Variants in GIT2 observed in about 807,000 individuals in gnomAD.
GIT2 encodes the protein ARF GTPase-activating protein GIT2.
In GIT2, 32 loss-of-function variants were observed where a neutral mutation model predicts 100.3. The observed-to-expected ratio is 0.32, with a 90% CI of 0.24 to 0.43. The LOEUF is 0.43. GIT2 is among the 20% of genes least tolerant of loss of function. The pLI, the probability that GIT2 is intolerant of heterozygous loss-of-function variation, is 1.00. For missense variants in GIT2, 737 were observed against 975.1 expected (o/e 0.76, Z 3.25); for synonymous variants, 353 against 364.1 (o/e 0.97, Z 0.35).
At chr12:109,965,604 C>A in intron 8 of GIT2, 27 bp from the exon 9 acceptor site, 43 of 1,471,876 alleles carry the variant, frequency 2.9e-5, no homozygotes, top group Non-Finnish European at 4.1e-5. Flanking sequence ...AGCTAATAAG[C>A]AAATAAATAA....
chr12:109,946,322 C>G (rs59463468), intron 15 of GIT2, among the ~76,000 whole-genome samples: 1 of 151,906 alleles, frequency 6.6e-6, no homozygotes, highest in Non-Finnish European at 1.5e-5. Flanking sequence ...GGGTTTAATT[C>G]ACGAAACCAT....
intron 7 of GIT2, among the ~76,000 whole-genome samples, chr12:109,979,516 G>A (rs890929774): frequency 6.6e-6 from 1 of 151,812 alleles, no homozygotes; most frequent in Non-Finnish European, 1.5e-5. Flanking sequence ...CTCATGATCC[G>A]CCCACCTCAG....
At position 109,951,357 on chromosome 12, in the gene GIT2, G is replaced by A. The variant is rs374665751; in HGVS notation, c.1243-41C>T. The A allele has an allele frequency of 9.9e-5, 152 of 1,535,474 alleles. 2 individuals are homozygous for A. Among genetic ancestry groups the A allele is most frequent in the South Asian group, 7.8e-4 (69 of 88,800 alleles). The stretch of plus-strand genomic sequence containing the variant: ...GAAAACGTTCACAATCTGAGATGAC[G>A]AGAACATTAAAGACTAACAGCTCAA... On this transcript the variant is annotated intron_variant, in intron 13 of 19. Coordinates refer to ENST00000355312, the MANE Select transcript of GIT2 (RefSeq NM_057169.5).
At chr12:109,951,356 C>A in intron 13 of GIT2, 40 bp from the exon 14 acceptor site, 2 of 1,539,798 alleles carry the variant, frequency 1.3e-6, no homozygotes, top group Admixed American at 1.7e-5. Context: ...TCTGAGATGA[C>A]GAGAACATTA....
intron 1 of GIT2, among the ~76,000 whole-genome samples, chr12:109,995,064 T>C (rs926344095): frequency 3.9e-5 from 6 of 152,200 alleles, no homozygotes; most frequent in Non-Finnish European, 7.3e-5. Context: ...GCAAAGCCAG[T>C]GGTGTTCAAT....
At chr12:109,969,750 CTCTTA>C (rs1457545952) in intron 7 of GIT2, among the ~76,000 whole-genome samples, 1 of 151,290 alleles carries the variant, frequency 6.6e-6, no homozygotes, top group Non-Finnish European at 1.5e-5. Flanking sequence ...CAAAGATTTT[CTCTTA>C]TGTTTTCTTT....
In GIT2 at chr12:109,989,066, G is replaced by A; in HGVS notation, c.302C>T (p.Pro101Leu). 5 of 1,592,072 alleles carry A rather than the reference G, an allele frequency of 3.1e-6. No homozygotes were observed. In the South Asian group the frequency reaches 3.3e-5, roughly 11 times the overall value. The change falls in exon 4 of 20, where the codon CCC becomes CTC. Residue 101 changes from proline (P) to leucine (L), a missense_variant and splice_region_variant. Coordinates refer to ENST00000355312, the MANE Select transcript of GIT2 (RefSeq NM_057169.5). ...GGCTCTGATGAATTCCGCTTTATTG[G>A]GACTGGTTCAAAAACAAAAAAGAAA... is the stretch of plus-strand genomic sequence containing the variant. ...RKANPQDKVH[P>L]NKAEFIRAKY...
intron 13 of GIT2, 36 bp downstream of exon 13, chr12:109,953,056 C>A (rs776554864): frequency 6.2e-7 from 1 of 1,609,004 alleles, no homozygotes; most frequent in Non-Finnish European, 8.5e-7. Context: ...TCAGCTGATG[C>A]GTGCTTGCCC....
chr12:109,979,786 G>A (rs773673368), intron 7 of GIT2, among the ~76,000 whole-genome samples: 5 of 152,138 alleles, frequency 3.3e-5, no homozygotes, highest in African/African-American at 4.8e-5. Context: ...GAGACACGGT[G>A]GGGTGTGCTT....
rs1884972110 is a variant in GIT2 at position 109,976,105 on chromosome 12, TACACACACACACACACAA to T, written c.718+4829_718+4846del. Reference sequence around the variant, plus strand: ...TCAGTGGTTATGGTAGAAATTACTATACACACACACACACACAAACACACACACACACAACTTTTCACA... The same window carrying T: ...TCAGTGGTTATGGTAGAAATTACTATACACACACACACACAACTTTTCACA... On this transcript the variant is annotated intron_variant, in intron 7 of 19. Coordinates refer to ENST00000355312, the MANE Select transcript of GIT2 (RefSeq NM_057169.5). 2.0e-5 allele frequency among the ~76,000 whole-genome samples: 3 copies of T among 149,134 alleles called. No individual in the cohort carries two copies. In the South Asian group the frequency reaches 6.3e-4, roughly 32 times the overall value.
intron 12 of GIT2, chr12:109,954,619 C>A (rs966220389): frequency 6.6e-6 from 1 of 152,204 alleles, no homozygotes; most frequent in African/African-American, 2.4e-5. Flanking sequence ...TAGGTCCTAG[C>A]TGGGCGCAGG....
chr12:109,938,597 C>T, intron 17 of GIT2, 29 bp from the exon 18 acceptor site: 2 of 1,521,238 alleles, frequency 1.3e-6, no homozygotes, highest in Non-Finnish European at 1.8e-6. Context: ...CAGTTAAATA[C>T]AGCAGGTGCT....
At chr12:109,980,049 T>G (rs1885997377) in intron 7 of GIT2, among the ~76,000 whole-genome samples, 1 of 152,162 alleles carries the variant, frequency 6.6e-6, no homozygotes, top group South Asian at 2.1e-4. Context: ...TGGGCGCGGC[T>G]TTCTTGCAAT....
At chr12:109,957,263 G>A (rs769258939) in intron 12 of GIT2, among the ~76,000 whole-genome samples, 8 of 151,980 alleles carry the variant, frequency 5.3e-5, no homozygotes, top group Admixed American at 2.0e-4. Context: ...AAAGAGCCTG[G>A]CACCTCCCTC....
chr12:109,957,087 G>A (rs899819935), intron 12 of GIT2, among the ~76,000 whole-genome samples: 36 of 152,014 alleles, frequency 2.4e-4, no homozygotes, highest in African/African-American at 7.2e-4. Context: ...TAGTATAAAT[G>A]TTTCTTCCCT....
chr12:109,983,930 C>A, intron 4 of GIT2: 1 of 463,252 alleles, frequency 2.2e-6, no homozygotes. Flanking sequence ...CTGACTTGCC[C>A]AAATGCATGA....
chr12:109,980,834 G>A, intron 7 of GIT2, 118 bp downstream of exon 7: 1 of 716,398 alleles, frequency 1.4e-6, no homozygotes, highest in African/African-American at 1.7e-5. Flanking sequence ...AAAGCCATAT[G>A]TATAGCTTTC....
rs368230117 is a variant in GIT2 at position 109,996,244 on chromosome 12, C to A, written c.-20G>T. On this transcript the variant is annotated 5_prime_UTR_variant, in exon 1 of 20. Transcript: ENST00000355312. ...CGACATGGCTCCCACCTCCCACCTG[C>A]GGGGAACTAGAGGCCGGGGGACAGC... The A allele has an allele frequency of 7.2e-6, 11 of 1,517,722 alleles. No individual in the cohort carries two copies. The African/African-American group carries it at 1.0e-4, about 14-fold the overall frequency. 94.0% of individuals were successfully genotyped at this position (1,517,722 alleles called of 1,614,324 possible). A position where few individuals can be genotyped will look rare whatever the true frequency, so the allele number is the denominator to read the frequency against.
At chr12:109,936,596 G>A (rs1021035273) in intron 18 of GIT2, among the ~76,000 whole-genome samples, 2 of 152,188 alleles carry the variant, frequency 1.3e-5, no homozygotes, top group East Asian at 1.9e-4. Context: ...GGCCAAGCAC[G>A]GTGGCTCACG....
Sources: gnomAD v4.1 joint callset for allele counts (sites outside exome capture counted in the v4.1 genomes callset) on GRCh38, gnomAD v4.1.1 for gene constraint, MANE v1.5 for transcripts, NCBI Gene and HGNC (gene_info 2026-07-23, HGNC 2026-07-21) for gene names.